The following DAPP1 variants were observed in gnomAD, a reference collection of about 807,000 sequenced individuals.
DAPP1 encodes the protein dual adaptor of phosphotyrosine and 3-phosphoinositides 1, also known as dual adapter for phosphotyrosine and 3-phosphotyrosine and 3-phosphoinositide.
DAPP1 carries 20 observed loss-of-function variants against 41.5 expected under a neutral mutation model. That is an observed-to-expected ratio of 0.48 (90% CI 0.34 to 0.70). The LOEUF (loss-of-function observed/expected upper bound fraction) is 0.70. Ranked by LOEUF, DAPP1 falls within the 30% of genes least tolerant of loss-of-function variation. DAPP1 has a pLI of 0.01. For missense variants in DAPP1, 233 were observed against 333.4 expected (o/e 0.70, Z 2.35); for synonymous variants, 113 against 116.2 (o/e 0.97, Z 0.18).
At chr4:99,850,038 T>G (rs560044135) in intron 3 of DAPP1, among the ~76,000 whole-genome samples, 2 of 152,352 alleles carry the variant, frequency 1.3e-5, no homozygotes, top group African/African-American at 4.8e-5. Flanking sequence ...CATTTCGAAC[T>G]TCTGACTTCC....
Position 99,861,558 on chromosome 4 carries a change from T to G in DAPP1, c.490-20T>G. On this transcript the variant is annotated intron_variant, in intron 4 of 8. Coordinates refer to ENST00000512369, the MANE Select transcript of DAPP1 (RefSeq NM_014395.3). ...CTGTTGTGACAGTTCTGGTCTTCAC[T>G]CAGTGCTTTTCTTTTTCAGCTGGGC... 1.3e-6 allele frequency: 2 copies of G among 1,563,718 alleles called. No homozygotes were observed. Among genetic ancestry groups the G allele is most frequent in the Non-Finnish European group, 8.7e-7 (1 of 1,153,196 alleles).
At chr4:99,850,235 C>A (rs191155369) in intron 3 of DAPP1, among the ~76,000 whole-genome samples, 4 of 152,240 alleles carry the variant, frequency 2.6e-5, no homozygotes, top group African/African-American at 9.6e-5. Context: ...CATGACGAAA[C>A]CCCGTCTCTA....
chr4:99,852,907 G>A (rs1382104777), intron 3 of DAPP1, among the ~76,000 whole-genome samples: 1 of 152,116 alleles, frequency 6.6e-6, no homozygotes, highest in Non-Finnish European at 1.5e-5. Context: ...TCTTCAAGCA[G>A]TCTGGGGATG....
rs921801723 is a variant in DAPP1, at chr4:99,864,131, G to A, written c.686+276G>A. Reference sequence around the variant, plus strand: ...ATCTTAGACAATTTAATTTCTTTGAGGCTTTCTCCCTCATTTTATTTATAA... The same window carrying A: ...ATCTTAGACAATTTAATTTCTTTGAAGCTTTCTCCCTCATTTTATTTATAA... On this transcript the variant is annotated intron_variant, in intron 7 of 8. Transcript: ENST00000512369. The A allele has an allele frequency of 2.7e-5, 6 of 225,422 alleles. No homozygotes were observed. In the Admixed American group the frequency reaches 2.9e-4, roughly 11 times the overall value. 14.0% of individuals were successfully genotyped at this position (225,422 alleles called of 1,614,324 possible).
At chr4:99,847,800 G>C (rs1292429343) in intron 3 of DAPP1, among the ~76,000 whole-genome samples, 1 of 48,268 alleles carries the variant, frequency 2.1e-5, no homozygotes, top group Non-Finnish European at 3.9e-5. Context: ...CAGTAGATAA[G>C]TTTGTTTGTT....
At chr4:99,828,658 T>C (rs1166236489) in intron 1 of DAPP1, among the ~76,000 whole-genome samples, 2 of 152,230 alleles carry the variant, frequency 1.3e-5, no homozygotes, top group Admixed American at 1.3e-4. Flanking sequence ...GGATCCAGCC[T>C]GTCCACATTC....
chr4:99,866,481 C>G (rs1348666628), intron 8 of DAPP1: 2 of 756,136 alleles, frequency 2.6e-6, no homozygotes, highest in Non-Finnish European at 4.8e-6. Context: ...AGTTGAAAAG[C>G]CTTTTAAATT....
intron 2 of DAPP1, among the ~76,000 whole-genome samples, chr4:99,837,764 T>G (rs757073544): frequency 6.6e-6 from 1 of 152,174 alleles, no homozygotes; most frequent in Non-Finnish European, 1.5e-5. Flanking sequence ...TTGTTATTAT[T>G]ACACTGTAAT....
At chr4:99,859,560 T>C (rs1266412811) in intron 4 of DAPP1, among the ~76,000 whole-genome samples, 1 of 152,200 alleles carries the variant, frequency 6.6e-6, no homozygotes, top group East Asian at 1.9e-4. Flanking sequence ...CATTCTAGTG[T>C]TTTCCCTTCT....
At chr4:99,847,582 A>G (rs548748151) in intron 3 of DAPP1, among the ~76,000 whole-genome samples, 5 of 152,308 alleles carry the variant, frequency 3.3e-5, no homozygotes, top group African/African-American at 7.2e-5. Flanking sequence ...AGTGAAACTT[A>G]TAGCCAAGTT....
chr4:99,823,278 C>A (rs1244671712), intron 1 of DAPP1, among the ~76,000 whole-genome samples: 1 of 151,836 alleles, frequency 6.6e-6, no homozygotes, highest in Non-Finnish European at 1.5e-5. Flanking sequence ...TTTCTACTTT[C>A]CAGTATATCT....
chr4:99,854,507 T>A (rs1237549408), intron 4 of DAPP1, among the ~76,000 whole-genome samples: 1 of 152,226 alleles, frequency 6.6e-6, no homozygotes, highest in African/African-American at 2.4e-5. Flanking sequence ...AGAGAGATCT[T>A]TCTTAAAAAG....
In DAPP1 at chr4:99,838,696, G is replaced by A. The variant is rs938302786; in HGVS notation, c.225-1593G>A. Among the ~76,000 whole-genome samples, 17 of 152,306 alleles carry A rather than the reference G, an allele frequency of 1.1e-4. No individual in the cohort carries two copies. In the South Asian group the frequency reaches 1.2e-3, roughly 11 times the overall value. ...ACCCACTGCTCACCTCCTGCTGTGC[G>A]GCCTGGTTCCTAACAGGTACCCAGT... On this transcript the variant is annotated intron_variant, in intron 2 of 8. Coordinates refer to ENST00000512369, the MANE Select transcript of DAPP1 (RefSeq NM_014395.3).
rs951975456 is a variant in DAPP1 at position 99,827,873 on chromosome 4, A to C, written c.102-7750A>C. 2.6e-5 allele frequency among the ~76,000 whole-genome samples: 4 copies of C among 152,344 alleles called. No individual in the cohort carries two copies. In the Middle Eastern group the frequency reaches 0.014, roughly 518 times the overall value. ...CCTGTCATAAAAGGAAAAGCTGAAGATGATGGAAAGAGAAGAAGGTGCATT... is the reference window on the plus strand; with the variant it reads ...CCTGTCATAAAAGGAAAAGCTGAAGCTGATGGAAAGAGAAGAAGGTGCATT... On this transcript the variant is annotated intron_variant, in intron 1 of 8. Coordinates refer to ENST00000512369, the MANE Select transcript of DAPP1 (RefSeq NM_014395.3).
intron 1 of DAPP1, 102 bp from the exon 2 acceptor site, chr4:99,835,521 T>A (rs941506116): frequency 1.3e-6 from 2 of 1,511,406 alleles, no homozygotes; most frequent in Non-Finnish European, 1.8e-6. Flanking sequence ...GGGCTACTTA[T>A]CTTGAAGAAT....
chr4:99,822,440 A>G (rs1268728438), intron 1 of DAPP1, among the ~76,000 whole-genome samples: 3 of 152,116 alleles, frequency 2.0e-5, no homozygotes, highest in African/African-American at 7.2e-5. Context: ...ACAATCTCCT[A>G]TGGAAGGCTA....
intron 5 of DAPP1, among the ~76,000 whole-genome samples, chr4:99,862,290 C>A (rs1724265780): frequency 6.6e-6 from 1 of 152,158 alleles, no homozygotes. Flanking sequence ...AGAGAGTATT[C>A]ATATTCATAG....
chr4:99,870,828 A>G (rs1332630132), downstream of DAPP1, among the ~76,000 whole-genome samples: 5 of 152,208 alleles, frequency 3.3e-5, no homozygotes, highest in African/African-American at 4.8e-5. Context: ...TGACACCAAC[A>G]TGGTGAGGGA....
intron 4 of DAPP1, among the ~76,000 whole-genome samples, chr4:99,860,557 T>C (rs1191941475): frequency 6.6e-6 from 1 of 152,220 alleles, no homozygotes; most frequent in Admixed American, 6.5e-5. Flanking sequence ...TCCTTACTTT[T>C]ATATCATAAG....
Sources: gnomAD v4.1 joint callset for allele counts (sites outside exome capture counted in the v4.1 genomes callset) on GRCh38, gnomAD v4.1.1 for gene constraint, MANE v1.5 for transcripts, NCBI Gene and HGNC (gene_info 2026-07-23, HGNC 2026-07-21) for gene names.